GABRR3: variants seen among roughly 807,000 people sequenced by gnomAD.
GABRR3 encodes the protein gamma-aminobutyric acid receptor subunit rho-3.
In GABRR3, 29 loss-of-function variants were observed where a neutral mutation model predicts 43.2. The observed-to-expected ratio is 0.67, with a 90% CI of 0.50 to 0.92. The LOEUF is 0.92. Ranked by LOEUF, GABRR3 falls within the 40% of genes least tolerant of loss-of-function variation. GABRR3 has a pLI of 0.00. For missense variants in GABRR3, 576 were observed against 572.3 expected (o/e 1.01, Z -0.07); for synonymous variants, 206 against 195.9 (o/e 1.05, Z -0.43).
At chr3:98,008,350 G>A (rs1236777593) in intron 6 of GABRR3, among the ~76,000 whole-genome samples, 1 of 152,222 alleles carries the variant, frequency 6.6e-6, no homozygotes, top group Admixed American at 6.5e-5. Flanking sequence ...TCAAATAGTG[G>A]TATGGAAAAT....
rs1307769643 is a variant in GABRR3, at chr3:97,987,041, T to C, written c.1105-59A>G. The C allele has an allele frequency of 9.0e-6, 10 of 1,106,740 alleles. No individual in the cohort carries two copies. The African/African-American group carries it at 1.3e-4, about 14-fold the overall frequency. The allele number at this position is 1,106,740 out of a possible 1,614,324, so 68.6% of individuals were successfully genotyped here. A position where few individuals can be genotyped will look rare whatever the true frequency, so the allele number is the denominator to read the frequency against. ...AATATGGTTTTACAAATAGGAATTA[T>C]GGTAAATAATGTTAATAAAGTTAAA... On this transcript the variant is annotated intron_variant, in intron 9 of 9. Coordinates refer to ENST00000621172, the Ensembl canonical transcript of GABRR3.
chr3:98,031,072 C>G (rs1049384756), intron 2 of GABRR3, among the ~76,000 whole-genome samples: 3 of 152,142 alleles, frequency 2.0e-5, no homozygotes, highest in African/African-American at 7.2e-5. Context: ...AATCTTATGG[C>G]TCTGATTGAA....
At chr3:98,000,641 C>T (rs374172072) in intron 8 of GABRR3, 1 of 151,962 alleles carries the variant, frequency 6.6e-6, no homozygotes, top group South Asian at 2.1e-4. Context: ...TTGAAGTATG[C>T]ATATAATTTG....
intron 3 of GABRR3, among the ~76,000 whole-genome samples, chr3:98,022,954 G>C (rs935472094): frequency 1.3e-5 from 2 of 152,140 alleles, no homozygotes; most frequent in African/African-American, 4.8e-5. Context: ...TTCTGGACGG[G>C]GGGAGGACGA....
intron 2 of GABRR3, 133 bp downstream of exon 2, chr3:98,034,730 T>C: frequency 9.4e-7 from 1 of 1,063,454 alleles, no homozygotes; most frequent in Non-Finnish European, 1.4e-6. Context: ...GCATGAATGC[T>C]ATCTCTAGAG....
intron 9 of GABRR3, 41 bp downstream of exon 9, chr3:97,992,811 C>T (rs1365886938): frequency 6.5e-7 from 1 of 1,534,388 alleles, no homozygotes; most frequent in South Asian, 1.3e-5. Context: ...TAGTCTTTTC[C>T]ACATTCCCCA....
At chr3:98,032,154 G>T (rs1475368332) in intron 2 of GABRR3, among the ~76,000 whole-genome samples, 1 of 151,880 alleles carries the variant, frequency 6.6e-6, no homozygotes, top group Non-Finnish European at 1.5e-5. Flanking sequence ...CTACAATACA[G>T]TTACAATAGA....
chr3:97,992,778 C>T (rs1013577503), intron 9 of GABRR3, 74 bp downstream of exon 9: 19 of 1,370,436 alleles, frequency 1.4e-5, no homozygotes, highest in African/African-American at 1.0e-4. Context: ...ACAACACTGT[C>T]AAGAGAGGGC....
chr3:98,028,805 G>T (rs1707052846), intron 2 of GABRR3, among the ~76,000 whole-genome samples: 1 of 152,096 alleles, frequency 6.6e-6, no homozygotes, highest in African/African-American at 2.4e-5. Context: ...ATAATACATT[G>T]TACCCCAGGA....
chr3:98,016,164 C>T (rs1262767552), intron 4 of GABRR3, among the ~76,000 whole-genome samples: 2 of 152,152 alleles, frequency 1.3e-5, no homozygotes, highest in Non-Finnish European at 2.9e-5. Flanking sequence ...AGGTCCCTCC[C>T]TCAACATGTC....
At chr3:98,013,467 A>G (rs894091502) in intron 4 of GABRR3, among the ~76,000 whole-genome samples, 7 of 152,190 alleles carry the variant, frequency 4.6e-5, no homozygotes, top group African/African-American at 1.7e-4. Flanking sequence ...ACAATTTCTT[A>G]CTTCCTACTA....
At chr3:98,033,210 A>G (rs984212497) in intron 2 of GABRR3, among the ~76,000 whole-genome samples, 9 of 152,190 alleles carry the variant, frequency 5.9e-5, no homozygotes, top group African/African-American at 2.2e-4. Context: ...GAACAAAAGA[A>G]GCAGATATAA....
chr3:97,991,697 A>G (rs1422167390), intron 9 of GABRR3, among the ~76,000 whole-genome samples: 1 of 152,222 alleles, frequency 6.6e-6, no homozygotes. Flanking sequence ...CGTTTATAAA[A>G]TAGAGATAAT....
chr3:97,986,752 G>A, exon 10 of GABRR3: 1 of 1,598,092 alleles, frequency 6.3e-7, no homozygotes, highest in African/African-American at 1.3e-5. Flanking sequence ...TCCTAGAATA[G>A]GTGTCAATGA....
At chr3:98,013,218 G>A (rs1362859351) in intron 4 of GABRR3, among the ~76,000 whole-genome samples, 2 of 152,226 alleles carry the variant, frequency 1.3e-5, no homozygotes, top group African/African-American at 4.8e-5. Flanking sequence ...ACATTTCCCA[G>A]AAGCTAGTTC....
intron 3 of GABRR3, among the ~76,000 whole-genome samples, chr3:98,024,112 C>G (rs1706982759): frequency 6.6e-6 from 1 of 152,234 alleles, no homozygotes; most frequent in Admixed American, 6.5e-5. Context: ...AATCCCAGCA[C>G]TCTGGGAGGC....
intron 9 of GABRR3, among the ~76,000 whole-genome samples, chr3:97,989,534 G>C (rs1402737620): frequency 6.6e-6 from 1 of 151,874 alleles, no homozygotes; most frequent in East Asian, 1.9e-4. Flanking sequence ...TAGTAGTAAT[G>C]GTGGTAGGGG....
At chr3:97,990,202 A>G (rs1484217625) in intron 9 of GABRR3, among the ~76,000 whole-genome samples, 1 of 152,154 alleles carries the variant, frequency 6.6e-6, no homozygotes, top group East Asian at 1.9e-4. Context: ...ACGCCCTTTT[A>G]CTATATCACT....
rs57500370 is a variant in GABRR3, at chr3:98,005,614, C to G, written c.754+2150G>C. 4.7e-3 allele frequency among the ~76,000 whole-genome samples: 721 copies of G among 152,236 alleles called. 6 individuals are homozygous for G. The highest frequency in any genetic ancestry group is 0.016 in the African/African-American group (684 of 41,554). ...ATGACCAGAAAAAGATATAAATCAG[C>G]TAGTGTTGTAGCTGCCTGGTAGGGC... On this transcript the variant is annotated intron_variant, in intron 7 of 9. Transcript: ENST00000621172.
Sources: gnomAD v4.1 joint callset for allele counts (sites outside exome capture counted in the v4.1 genomes callset) on GRCh38, gnomAD v4.1.1 for gene constraint, MANE v1.5 for transcripts, NCBI Gene and HGNC (gene_info 2026-07-23, HGNC 2026-07-21) for gene names.